The following HPSE2 variants were observed in gnomAD, a reference collection of about 807,000 sequenced individuals.
HPSE2 encodes heparanase 2 (inactive).
Under a neutral mutation model 60.5 loss-of-function variants are expected in HPSE2, and 38 were observed. The observed-to-expected ratio is 0.63, with a 90% CI of 0.48 to 0.82. The LOEUF is 0.82. Among genes scored for constraint, HPSE2 ranks in the 40% least tolerant of loss-of-function variants. HPSE2 has a pLI of 0.00. For missense variants in HPSE2, 713 were observed against 740.4 expected (o/e 0.96, Z 0.43); for synonymous variants, 295 against 293.2 (o/e 1.01, Z -0.06).
chr10:98,602,790 T>A (rs527721353), intron 9 of HPSE2, among the ~76,000 whole-genome samples: 244 of 152,286 alleles, frequency 1.6e-3, no homozygotes, highest in Non-Finnish European at 2.9e-3. Flanking sequence ...CCTCATATCA[T>A]GTACAAAAAT....
chr10:98,851,228 T>C (rs1376160872), intron 3 of HPSE2, among the ~76,000 whole-genome samples: 1 of 152,218 alleles, frequency 6.6e-6, no homozygotes. Flanking sequence ...CAAAAGGTCT[T>C]GAAGACATAG....
At chr10:98,665,304 T>C (rs768852038) in intron 6 of HPSE2, among the ~76,000 whole-genome samples, 1 of 152,172 alleles carries the variant, frequency 6.6e-6, no homozygotes, top group Non-Finnish European at 1.5e-5. Context: ...ACAAAATCTA[T>C]GACTCACTGA....
At chr10:99,133,293 G>A (rs900685550) in intron 3 of HPSE2, among the ~76,000 whole-genome samples, 1 of 152,168 alleles carries the variant, frequency 6.6e-6, no homozygotes, top group Non-Finnish European at 1.5e-5. Context: ...CTGGGGAAAG[G>A]GGCAGCTGTG....
intron 3 of HPSE2, among the ~76,000 whole-genome samples, chr10:98,936,978 C>CAAAAAAAAA (rs1214450704): frequency 9.7e-5 from 3 of 31,016 alleles, no homozygotes; most frequent in African/African-American, 2.4e-4. Flanking sequence ...GACTCCATCT[C>CAAAAAAAAA]AAAAAAAAAA....
chr10:99,111,211 T>C (rs1335453989), intron 3 of HPSE2, among the ~76,000 whole-genome samples: 2 of 152,212 alleles, frequency 1.3e-5, no homozygotes, highest in African/African-American at 2.4e-5. Context: ...GTCTTGATTA[T>C]TGTCATTTTA....
At chr10:98,595,164 A>ATTTTT (rs34509249) in intron 9 of HPSE2, among the ~76,000 whole-genome samples, 13 of 91,686 alleles carry the variant, frequency 1.4e-4, no homozygotes, top group African/African-American at 4.4e-4. Flanking sequence ...TATAAATGAG[A>ATTTTT]TTTTTTTTTT....
chr10:99,238,645 A>C (rs1343355442), upstream of HPSE2, among the ~76,000 whole-genome samples: 1 of 152,132 alleles, frequency 6.6e-6, no homozygotes, highest in Non-Finnish European at 1.5e-5. Flanking sequence ...TTGGGTTTAG[A>C]TCTCCAGAGA....
chr10:98,970,640 C>A (rs1955928920), intron 3 of HPSE2, among the ~76,000 whole-genome samples: 1 of 152,134 alleles, frequency 6.6e-6, no homozygotes, highest in South Asian at 2.1e-4. Flanking sequence ...TCCTTGAATT[C>A]AGGAAAGTGC....
intron 3 of HPSE2, among the ~76,000 whole-genome samples, chr10:98,993,763 A>T (rs528891962): frequency 4.6e-5 from 7 of 152,008 alleles, no homozygotes; most frequent in African/African-American, 1.7e-4. Flanking sequence ...AATCTGTATA[A>T]ATTTTTTCCT....
chr10:98,588,836 T>C (rs997294381), intron 9 of HPSE2, among the ~76,000 whole-genome samples: 2 of 152,000 alleles, frequency 1.3e-5, no homozygotes, highest in African/African-American at 4.8e-5. Context: ...CAGCACATGG[T>C]GTTAGCAGCT....
intron 3 of HPSE2, among the ~76,000 whole-genome samples, chr10:99,012,680 A>G (rs7075853): frequency 0.5 from 75,803 of 151,996 alleles, 20,684 homozygotes; most frequent in East Asian, 0.62. Flanking sequence ...TCCCATATGT[A>G]ACATATTTTA....
chr10:98,629,215 C>T (rs926129303), intron 7 of HPSE2, among the ~76,000 whole-genome samples: 1 of 152,220 alleles, frequency 6.6e-6, no homozygotes, highest in Non-Finnish European at 1.5e-5. Context: ...AGGAGGCCCA[C>T]CCTCCAAATG....
At chr10:98,496,851 T>G (rs1000442314) in intron 9 of HPSE2, among the ~76,000 whole-genome samples, 1 of 152,164 alleles carries the variant, frequency 6.6e-6, no homozygotes, top group Admixed American at 6.5e-5. Context: ...AAGTTTGTAG[T>G]TTGACTTTTA....
chr10:98,870,308 T>C (rs995541386), intron 3 of HPSE2, among the ~76,000 whole-genome samples: 7 of 152,178 alleles, frequency 4.6e-5, no homozygotes, highest in Admixed American at 6.6e-5. Context: ...GAAGGGTGTA[T>C]GGCTACAGAG....
rs994614483 is a variant in HPSE2 at position 99,232,232 on chromosome 10, C to T, written c.448+116G>A. 436 of 1,223,912 alleles carry T rather than the reference C, an allele frequency of 3.6e-4. No individual in the cohort carries two copies. In the East Asian group the frequency reaches 4.5e-3, roughly 13 times the overall value. The allele number at this position is 1,223,912 out of a possible 1,614,324, so 75.8% of individuals were successfully genotyped here. On this transcript the variant is annotated intron_variant, in intron 2 of 11. Transcript: ENST00000370552. The stretch of plus-strand genomic sequence containing the variant: ...GCGCGCATACACACACACACACACA[C>T]ACACACACACACACACACACACACG...
chr10:99,163,260 AT>A (rs1846920022), intron 2 of HPSE2, among the ~76,000 whole-genome samples: 1 of 152,088 alleles, frequency 6.6e-6, no homozygotes, highest in Non-Finnish European at 1.5e-5. Flanking sequence ...ATAATAAAAT[AT>A]TTTTTAGTGT....
rs1182221756 is a variant in HPSE2 at position 99,235,481 on chromosome 10, T to A, written c.290+32A>T. The A allele has an allele frequency of 8.1e-6, 13 of 1,612,080 alleles. No homozygotes were observed. In the African/African-American group the frequency reaches 9.4e-5, roughly 12 times the overall value. On this transcript the variant is annotated intron_variant, in intron 1 of 11. Coordinates refer to ENST00000370552, the MANE Select transcript of HPSE2 (RefSeq NM_021828.5). Reference sequence around the variant, plus strand: ...GGCTTGAGGGGGTGTTACTAAAAAATTTTAAATGATCCATCGAAACCCCTG... The same window carrying A: ...GGCTTGAGGGGGTGTTACTAAAAAAATTTAAATGATCCATCGAAACCCCTG...
At chr10:98,754,161 C>A (rs1050564428) in intron 3 of HPSE2, among the ~76,000 whole-genome samples, 1 of 152,026 alleles carries the variant, frequency 6.6e-6, no homozygotes, top group African/African-American at 2.4e-5. Flanking sequence ...AAGAAAGAAC[C>A]AAACTGATCT....
At chr10:98,545,366 G>A (rs1479509837) in intron 9 of HPSE2, among the ~76,000 whole-genome samples, 4 of 152,094 alleles carry the variant, frequency 2.6e-5, no homozygotes, top group Non-Finnish European at 4.4e-5. Context: ...GAGAATTTTA[G>A]ACCAATATCC....
Sources: gnomAD v4.1 joint callset for allele counts (sites outside exome capture counted in the v4.1 genomes callset) on GRCh38, gnomAD v4.1.1 for gene constraint, MANE v1.5 for transcripts, NCBI Gene and HGNC (gene_info 2026-07-23, HGNC 2026-07-21) for gene names.